The following PPP6R2 variants were observed in gnomAD, a reference collection of about 807,000 sequenced individuals.
PPP6R2 encodes serine/threonine-protein phosphatase 6 regulatory subunit 2.
PPP6R2 carries 62 observed loss-of-function variants against 100.2 expected under a neutral mutation model. The ratio of observed to expected loss-of-function variants is 0.62; its 90% CI spans 0.50 to 0.76. The LOEUF (loss-of-function observed/expected upper bound fraction) is 0.76, where lower values mean the gene tolerates loss of function less well. Among genes scored for constraint, PPP6R2 ranks in the 30% least tolerant of loss-of-function variants. PPP6R2 has a pLI of 0.00. For missense variants in PPP6R2, 1,142 were observed against 1,276.3 expected (o/e 0.89, Z 1.60); for synonymous variants, 525 against 514.7 (o/e 1.02, Z -0.27).
intron 4 of PPP6R2, among the ~76,000 whole-genome samples, chr22:50,410,469 C>CTTTTTTTTTTTTTTTTTTTT (rs200178930): frequency 9.7e-6 from 1 of 103,342 alleles, no homozygotes; most frequent in Non-Finnish European, 2.0e-5. Context: ...TGAGTGGTGT[C>CTTTTTTTTTTTTTTTTTTTT]TTTTTTTTTT....
chr22:50,435,543 C>T (rs1259128682), intron 13 of PPP6R2, among the ~76,000 whole-genome samples: 1 of 152,212 alleles, frequency 6.6e-6, no homozygotes, highest in African/African-American at 2.4e-5. Context: ...TTCTTAAGAA[C>T]GCAGTGGGTT....
chr22:50,342,543 C>T (rs1268003320), upstream of PPP6R2, among the ~76,000 whole-genome samples: 2 of 152,208 alleles, frequency 1.3e-5, no homozygotes, highest in African/African-American at 2.4e-5. Context: ...ATATTTGAGC[C>T]GCCCAGATAC....
chr22:50,387,515 C>T (rs887703991), intron 2 of PPP6R2, among the ~76,000 whole-genome samples: 28 of 152,252 alleles, frequency 1.8e-4, no homozygotes, highest in Middle Eastern at 3.4e-3. Flanking sequence ...TACAAATAGT[C>T]ATTGTGCTTC....
intron 4 of PPP6R2, among the ~76,000 whole-genome samples, chr22:50,410,057 T>G (rs1306052980): frequency 1.3e-5 from 2 of 152,142 alleles, no homozygotes; most frequent in Non-Finnish European, 2.9e-5. Flanking sequence ...ATTTTTTTTC[T>G]TTTCTATTTT....
intron 2 of PPP6R2, among the ~76,000 whole-genome samples, chr22:50,389,946 A>T (rs2055094833): frequency 6.6e-6 from 1 of 150,988 alleles, no homozygotes; most frequent in Non-Finnish European, 1.5e-5. Context: ...AGAAACATAG[A>T]AATGTTCTTG....
At chr22:50,330,785 A>G in the PPP6R2 span, among the ~76,000 whole-genome samples, 1 of 151,952 alleles carries the variant, frequency 6.6e-6, no homozygotes, top group Admixed American at 6.6e-5. Flanking sequence ...GAGTCAGAGA[A>G]GTCAATGTGG....
upstream of PPP6R2, among the ~76,000 whole-genome samples, chr22:50,338,289 GGTGTGTAGTGTGTGGTGT>G (rs2042325624): frequency 7.1e-6 from 1 of 140,166 alleles, no homozygotes; most frequent in African/African-American, 2.7e-5. Context: ...GTGTGTTTGT[GGTGTGTAGTGTGTGGTGT>G]GTGTGTGGTG....
intron 8 of PPP6R2, 43 bp downstream of exon 8, chr22:50,419,505 C>G: frequency 7.1e-7 from 1 of 1,409,798 alleles, no homozygotes; most frequent in Non-Finnish European, 1.0e-6. Flanking sequence ...GAACTTGACG[C>G]CTCAGTGATA....
At chr22:50,340,727 G>A (rs1442090733), upstream of PPP6R2, among the ~76,000 whole-genome samples, 1 of 151,812 alleles carries the variant, frequency 6.6e-6, no homozygotes, top group East Asian at 1.9e-4. Flanking sequence ...GGAAGGCCCT[G>A]CGGGGATGCA....
At chr22:50,337,279 TGTG>T in the PPP6R2 span, among the ~76,000 whole-genome samples, 1 of 140,906 alleles carries the variant, frequency 7.1e-6, no homozygotes, top group African/African-American at 2.7e-5. Context: ...GTGGTACATG[TGTG>T]GTGTGTGGTA....
chr22:50,418,543 C>T (rs756784763), intron 6 of PPP6R2, among the ~76,000 whole-genome samples: 15 of 152,044 alleles, frequency 9.9e-5, no homozygotes, highest in Non-Finnish European at 1.5e-4. Flanking sequence ...CCCGCCACCA[C>T]GCCCGGCTAA....
chr22:50,433,297 T>C (rs568073558), intron 12 of PPP6R2, among the ~76,000 whole-genome samples: 182 of 76,342 alleles, frequency 2.4e-3, no homozygotes, highest in African/African-American at 7.9e-3. Context: ...GCCGGGGGCA[T>C]GGATGCTGGG....
At chr22:50,339,868 T>TGTGTG (rs1487153916), upstream of PPP6R2, among the ~76,000 whole-genome samples, 1 of 127,588 alleles carries the variant, frequency 7.8e-6, no homozygotes, top group Non-Finnish European at 1.7e-5. Flanking sequence ...ATGTAGTGTG[T>TGTGTG]GTGTGGTGTG....
rs569995471 is a variant in PPP6R2, at chr22:50,440,961, C to G, written c.2514C>G (p.Ser838Arg). Residue 838 changes from serine (S) to arginine (R), a missense_variant, in exon 22 of 24, where the codon AGC (serine) becomes AGG (arginine). This residue lies in a region of PPP6R2 where 550 missense variants were observed against 517.4 expected (regional missense o/e 1.06). Transcript: ENST00000612753. ...QKAASAMDAV[S>R]RGPGREAPPL... ...CAGCGAGTGCCATGGATGCGGTGAG[C>G]AGGGGTCCCGGCCGGGAGGCCCCCC... 4.3e-6 allele frequency: 7 copies of G among 1,612,754 alleles called. No homozygotes were observed. Among genetic ancestry groups the G allele is most frequent in the Middle Eastern group, 1.7e-4 (1 of 6,004 alleles).
At chr22:50,419,261 G>A (rs1042884484) in intron 7 of PPP6R2, 88 bp from the exon 8 acceptor site, 18 of 1,168,030 alleles carry the variant, frequency 1.5e-5, no homozygotes, top group Non-Finnish European at 2.2e-5. Context: ...GTTTTGCTGG[G>A]GTCCTCCACG....
upstream of PPP6R2, among the ~76,000 whole-genome samples, chr22:50,340,401 GGT>G (rs1395579958): frequency 3.8e-5 from 5 of 132,200 alleles, no homozygotes; most frequent in Admixed American, 7.7e-5. Context: ...TGGTGTGTGT[GGT>G]GTGTGTGTAG....
intron 4 of PPP6R2, among the ~76,000 whole-genome samples, chr22:50,410,122 G>A (rs892472562): frequency 6.6e-6 from 1 of 151,668 alleles, no homozygotes; most frequent in Non-Finnish European, 1.5e-5. Flanking sequence ...TTTAGAATGA[G>A]TTTGTCACTT....
intron 6 of PPP6R2, among the ~76,000 whole-genome samples, chr22:50,416,808 T>G (rs571400956): frequency 6.6e-6 from 1 of 151,650 alleles, no homozygotes; most frequent in Admixed American, 6.6e-5. Context: ...TACTAAAAAT[T>G]AGCGAAGTGT....
At chr22:50,377,093 A>G (rs953478752) in intron 2 of PPP6R2, among the ~76,000 whole-genome samples, 1 of 152,192 alleles carries the variant, frequency 6.6e-6, no homozygotes, top group African/African-American at 2.4e-5. Flanking sequence ...AAACAGTAAA[A>G]GGTGATATAG....
Sources: gnomAD v4.1 joint callset for allele counts (sites outside exome capture counted in the v4.1 genomes callset) on GRCh38, gnomAD v4.1.1 for gene constraint, gnomAD v4.1.1 regional missense constraint, MANE v1.5 for transcripts, NCBI Gene and HGNC (gene_info 2026-07-23, HGNC 2026-07-21) for gene names.